Variants in MEF2D observed in about 807,000 individuals in gnomAD.
MEF2D encodes the protein myocyte enhancer factor 2D, also known as myocyte-specific enhancer factor 2D.
MEF2D carries 10 observed loss-of-function variants against 59.3 expected under a neutral mutation model. That is an observed-to-expected ratio of 0.17 (90% CI 0.10 to 0.29). MEF2D has a LOEUF of 0.29. MEF2D is among the 10% of genes least tolerant of loss of function. MEF2D has a pLI of 1.00. For missense variants in MEF2D, 508 were observed against 699.4 expected, an observed-to-expected ratio of 0.73 and a Z score of 3.09; for synonymous variants, 305 against 295.0, an observed-to-expected ratio of 1.03 and a Z score of -0.35.
intron 1 of MEF2D, among the ~76,000 whole-genome samples, chr1:156,489,856 C>T (rs1412483611): frequency 6.6e-6 from 1 of 152,156 alleles, no homozygotes; most frequent in Non-Finnish European, 1.5e-5. Flanking sequence ...ACGACAGCTG[C>T]CCAGCTGAAT....
intron 9 of MEF2D, among the ~76,000 whole-genome samples, chr1:156,469,956 GAAGGTCTATGTCTTGGCCTCATGCCC>G (rs914875361): frequency 6.6e-6 from 1 of 152,232 alleles, no homozygotes; most frequent in Non-Finnish European, 1.5e-5. Flanking sequence ...GATAAGTAGA[GAAGGTCTATGTCTTGGCCTCATGCCC>G]AAGGGGCAGA....
intron 1 of MEF2D, among the ~76,000 whole-genome samples, chr1:156,485,046 C>G (rs1024347396): frequency 1.3e-5 from 2 of 152,064 alleles, no homozygotes; most frequent in Non-Finnish European, 2.9e-5. Context: ...GAGCCTGGAC[C>G]AGAGAAGGCC....
chr1:156,498,084 C>T (rs1673237954), intron 1 of MEF2D, among the ~76,000 whole-genome samples: 1 of 126,010 alleles, frequency 7.9e-6, no homozygotes, highest in Admixed American at 9.2e-5. Context: ...TTCCCTATCA[C>T]ATCTCCCAGG....
Position 156,468,890 on chromosome 1 carries a change from T to A in MEF2D, c.1137A>T (p.Pro379=). Residue 379 remains proline (P), a synonymous_variant, in exon 10 of 12, where the codon CCA becomes CCT. Coordinates refer to ENST00000348159, the MANE Select transcript of MEF2D (RefSeq NM_005920.4). The surrounding 1 kb of genome is among the most constrained non-coding windows in gnomAD (Gnocchi z 4.3). ...GCTGTGGCTGCGGTGGCTGCTGCTG[T>A]GGAGGCTGTGGCTGCTGCGGCTGCT... The part of the protein sequence containing the change: ...QPQQPQQPQP[P]QQQPPQPQQP... 1 of 1,613,574 alleles carries A rather than the reference T, an allele frequency of 6.2e-7. No homozygotes were observed. The highest frequency in any genetic ancestry group is 8.5e-7 in the Non-Finnish European group (1 of 1,179,782).
chr1:156,483,351 G>A lies in MEF2D; in HGVS notation c.-59C>T. On this transcript the variant is annotated 5_prime_UTR_variant, in exon 2 of 12. Transcript: ENST00000348159. The stretch of plus-strand genomic sequence containing the variant: ...GGGGCTCGCTGGGTGGTGGGTCTCG[G>A]CACACCTTACACTGTGCTCATGAAC... The A allele has an allele frequency of 3.4e-6, 5 of 1,491,678 alleles. No individual in the cohort carries two copies. The highest frequency in any genetic ancestry group is 4.7e-6 in the Non-Finnish European group (5 of 1,068,650). 92.4% of individuals were successfully genotyped at this position (1,491,678 alleles called of 1,614,324 possible).
At chr1:156,491,569 G>A (rs1354561304) in intron 1 of MEF2D, among the ~76,000 whole-genome samples, 1 of 152,240 alleles carries the variant, frequency 6.6e-6, no homozygotes, top group African/African-American at 2.4e-5. Flanking sequence ...CAAGTACCAA[G>A]TGGGGCACAC....
intron 1 of MEF2D, among the ~76,000 whole-genome samples, chr1:156,492,065 A>C (rs531753366): frequency 1.4e-4 from 21 of 152,266 alleles, no homozygotes; most frequent in Admixed American, 2.6e-4. Flanking sequence ...AGGAATAAGC[A>C]AGCATGGCAG....
chr1:156,486,291 C>T (rs1213023524), intron 1 of MEF2D, among the ~76,000 whole-genome samples: 1 of 152,022 alleles, frequency 6.6e-6, no homozygotes, highest in Non-Finnish European at 1.5e-5. Flanking sequence ...ATTTCAGCTC[C>T]CCTGCTTCCC....
At chr1:156,484,970 A>T (rs561601347) in intron 1 of MEF2D, among the ~76,000 whole-genome samples, 1 of 152,248 alleles carries the variant, frequency 6.6e-6, no homozygotes, top group African/African-American at 2.4e-5. Flanking sequence ...TTTCTGGAAG[A>T]TGTTGGAAGA....
rs1671848253 is a variant in MEF2D, at chr1:156,479,585, C to A, written c.607+1G>T. On this transcript the variant is annotated splice_donor_variant, in intron 5 of 11. Coordinates refer to ENST00000348159, the MANE Select transcript of MEF2D (RefSeq NM_005920.4). LOFTEE classifies it high-confidence loss of function. ...ACCTACCCACCTGCCAGCCCACTCACCCGCACTAGCTGGCCGCTGGGGCAG... is the reference window on the plus strand; with the variant it reads ...ACCTACCCACCTGCCAGCCCACTCAACCGCACTAGCTGGCCGCTGGGGCAG... The A allele has an allele frequency of 6.5e-7, 1 of 1,550,350 alleles. No homozygotes were observed. Among genetic ancestry groups the A allele is most frequent in the Non-Finnish European group, 8.7e-7 (1 of 1,147,090 alleles).
In MEF2D at chr1:156,479,248, G is replaced by A. The variant is rs746328155; in HGVS notation, c.664+42C>T. On this transcript the variant is annotated intron_variant, in intron 6 of 11. Coordinates refer to ENST00000348159, the MANE Select transcript of MEF2D (RefSeq NM_005920.4). ...TGGACCCCCTGAGGCCACTGAGCGG[G>A]CACCCCTCCCCACCTCCAGGTAGAA... 3 of 1,554,678 alleles carry A rather than the reference G, an allele frequency of 1.9e-6. No individual in the cohort carries two copies. In the Admixed American group the frequency reaches 6.0e-5, roughly 31 times the overall value.
intron 1 of MEF2D, among the ~76,000 whole-genome samples, chr1:156,484,423 TC>T (rs1672217185): frequency 6.6e-6 from 1 of 152,188 alleles, no homozygotes; most frequent in African/African-American, 2.4e-5. Context: ...ATGGCTGTGA[TC>T]CAATACAACT....
rs777918517 is a variant in MEF2D, at chr1:156,480,873, G to A, written c.357C>T (p.Arg119=). 3.1e-5 allele frequency: 49 copies of A among 1,605,006 alleles called. No individual in the cohort carries two copies. Among genetic ancestry groups the A allele is most frequent in the South Asian group, 1.0e-4 (9 of 89,900 alleles). The part of the protein sequence containing the change: ...QSPLLEDKYR[R]ASEELDGLFR... ...AGAGCCCGTCGAGCTCCTCGCTGGC[G>A]CGTCGGTACTTGTCCTCCAGCAGGG... Residue 119 remains arginine (R), a synonymous_variant, in exon 4 of 12, where the codon CGC becomes CGT. Coordinates refer to ENST00000348159, the MANE Select transcript of MEF2D (RefSeq NM_005920.4).
At chr1:156,467,953 T>C in intron 11 of MEF2D, 40 bp downstream of exon 11, 2 of 1,583,204 alleles carry the variant, frequency 1.3e-6, no homozygotes, top group Non-Finnish European at 1.7e-6. Flanking sequence ...TCCCTGGGTG[T>C]AGCAGACACT....
At position 156,465,725 on chromosome 1, in the gene MEF2D, T is replaced by C. The variant is rs1016707259; in HGVS notation, c.*1920A>G. 1.3e-5 allele frequency: 2 copies of C among 151,798 alleles called. No homozygotes were observed. Among genetic ancestry groups the C allele is most frequent in the Non-Finnish European group, 2.9e-5 (2 of 67,996 alleles). The allele number at this position is 151,798 out of a possible 1,614,324, so 9.4% of individuals were successfully genotyped here. On this transcript the variant is annotated 3_prime_UTR_variant, in exon 12 of 12. Coordinates refer to ENST00000348159, the MANE Select transcript of MEF2D (RefSeq NM_005920.4). Reference sequence around the variant, plus strand: ...AAATACAAAGCTACACTCAGACACATAAACACCAGATGCCCTCATGAACAC... The same window carrying C: ...AAATACAAAGCTACACTCAGACACACAAACACCAGATGCCCTCATGAACAC...
At chr1:156,485,765 G>A (rs957378594) in intron 1 of MEF2D, among the ~76,000 whole-genome samples, 1 of 151,426 alleles carries the variant, frequency 6.6e-6, no homozygotes, top group African/African-American at 2.4e-5. Context: ...AAACTCCTGG[G>A]CTTAAGTGAT....
intron 9 of MEF2D, among the ~76,000 whole-genome samples, chr1:156,473,933 T>C (rs1019246683): frequency 3.3e-5 from 5 of 152,178 alleles, no homozygotes; most frequent in South Asian, 4.1e-4. Context: ...AAACTGACCC[T>C]GACTGTGCTT....
rs775903465 is a variant in MEF2D at position 156,480,838 on chromosome 1, T to C, written c.392A>G (p.Tyr131Cys). The C allele has an allele frequency of 7.5e-6, 12 of 1,593,884 alleles. No individual in the cohort carries two copies. Among genetic ancestry groups the C allele is most frequent in the Non-Finnish European group, 9.4e-6 (11 of 1,170,612 alleles). ...GACAGAGTGAGTGGGGCTCACCCCA[T>C]AGCGCCGGAAGAGCCCGTCGAGCTC... ...SEELDGLFRR[Y>C]GSTVPAPNFA... Residue 131 changes from tyrosine to cysteine, a missense_variant, in exon 4 of 12, where the codon TAT (tyrosine) becomes TGT (cysteine). Physicochemically the swap from Tyr to Cys is radical, Grantham distance 194. Coordinates refer to ENST00000348159, the MANE Select transcript of MEF2D (RefSeq NM_005920.4).
At chr1:156,469,912 C>G (rs1298662510) in intron 9 of MEF2D, among the ~76,000 whole-genome samples, 1 of 151,938 alleles carries the variant, frequency 6.6e-6, no homozygotes, top group Non-Finnish European at 1.5e-5. Flanking sequence ...GTATCACTTT[C>G]ATAACAATTT....
Sources: gnomAD v4.1 joint callset for allele counts (sites outside exome capture counted in the v4.1 genomes callset) on GRCh38, gnomAD v4.1.1 for gene constraint, Gnocchi (gnomAD v3.1) non-coding constraint, MANE v1.5 for transcripts, NCBI Gene and HGNC (gene_info 2026-07-23, HGNC 2026-07-21) for gene names.